The following DNAJC6 variants were observed in gnomAD, a reference collection of about 807,000 sequenced individuals.
DNAJC6 encodes the protein auxilin.
Under a neutral mutation model 110.0 loss-of-function variants are expected in DNAJC6, and 34 were observed. The observed-to-expected ratio is 0.31, with a 90% CI of 0.24 to 0.41. The LOEUF is 0.41. Ranked by LOEUF, DNAJC6 falls within the 10% of genes least tolerant of loss-of-function variation. The pLI, the probability that DNAJC6 is intolerant of heterozygous loss-of-function variation, is 1.00. For missense variants in DNAJC6, 1,031 were observed against 1,207.8 expected, an observed-to-expected ratio of 0.85 and a Z score of 2.17; for synonymous variants, 406 against 437.2, an observed-to-expected ratio of 0.93 and a Z score of 0.89.
upstream of DNAJC6, among the ~76,000 whole-genome samples, chr1:65,306,124 T>C (rs530452947): frequency 8.0e-5 from 12 of 149,970 alleles, no homozygotes; most frequent in African/African-American, 2.7e-4. Context: ...GTTGGCTCAC[T>C]GCAAGCTCCA....
At chr1:65,363,144 A>C (rs1040417988) in intron 1 of DNAJC6, among the ~76,000 whole-genome samples, 1 of 152,168 alleles carries the variant, frequency 6.6e-6, no homozygotes, top group Non-Finnish European at 1.5e-5. Context: ...TGAGAACAGC[A>C]TGGGGAAAAT....
intron 17 of DNAJC6, among the ~76,000 whole-genome samples, chr1:65,410,171 T>C (rs1570390199): frequency 6.6e-6 from 1 of 152,220 alleles, no homozygotes; most frequent in East Asian, 1.9e-4. Context: ...GTAATCTGTC[T>C]CTGTATTAAA....
intron 7 of DNAJC6, among the ~76,000 whole-genome samples, 155 bp downstream of exon 7, chr1:65,386,061 T>TACA (rs1645869266): frequency 6.6e-6 from 1 of 152,192 alleles, no homozygotes; most frequent in African/African-American, 2.4e-5. Context: ...CATAGAAAAG[T>TACA]ACAAGTAAAT....
At chr1:65,392,409 A>C in intron 11 of DNAJC6, 22 bp from the exon 12 acceptor site, 1 of 1,555,382 alleles carries the variant, frequency 6.4e-7, no homozygotes, top group Non-Finnish European at 8.7e-7. Context: ...CTAATCTCTT[A>C]TGGTATACTG....
chr1:65,377,908 A>G (rs1236563392), intron 4 of DNAJC6, among the ~76,000 whole-genome samples: 1 of 152,222 alleles, frequency 6.6e-6, no homozygotes, highest in Non-Finnish European at 1.5e-5. Flanking sequence ...TTTCTGCAGA[A>G]TTCCGTATCT....
intron 4 of DNAJC6, among the ~76,000 whole-genome samples, chr1:65,376,328 C>CAAA (rs77878717): frequency 8.6e-5 from 13 of 150,724 alleles, no homozygotes; most frequent in Middle Eastern, 3.4e-3. Flanking sequence ...TATATTGTTT[C>CAAA]AAAAAAAACA....
intron 4 of DNAJC6, among the ~76,000 whole-genome samples, chr1:65,379,148 G>T (rs1305736190): frequency 1.3e-5 from 2 of 152,214 alleles, no homozygotes; most frequent in East Asian, 3.8e-4. Context: ...GGATGTATTT[G>T]AAATGGTCTA....
At chr1:65,384,351 G>C in intron 6 of DNAJC6, 25 bp downstream of exon 6, 2 of 1,512,884 alleles carry the variant, frequency 1.3e-6, no homozygotes, top group Non-Finnish European at 1.8e-6. Context: ...ATGCAGGCTA[G>C]GCACAGATGT....
At chr1:65,305,942 T>C (rs925807180), upstream of DNAJC6, among the ~76,000 whole-genome samples, 4 of 152,176 alleles carry the variant, frequency 2.6e-5, no homozygotes, top group African/African-American at 9.7e-5. Flanking sequence ...CTTCTTACTA[T>C]AACCTTATTA....
chr1:65,381,815 T>C (rs1645825259), intron 5 of DNAJC6, among the ~76,000 whole-genome samples: 1 of 152,206 alleles, frequency 6.6e-6, no homozygotes, highest in Admixed American at 6.5e-5. Flanking sequence ...CTGTTTTCTT[T>C]ATCAGAGGGA....
intron 1 of DNAJC6, chr1:65,264,964 A>T (rs775079620): frequency 6.2e-7 from 1 of 1,604,330 alleles, no homozygotes; most frequent in African/African-American, 1.3e-5. Context: ...GATGGCTAAG[A>T]GAGGGCTAAA....
At chr1:65,266,557 C>A (rs904381631) in intron 1 of DNAJC6, among the ~76,000 whole-genome samples, 2 of 152,134 alleles carry the variant, frequency 1.3e-5, no homozygotes, top group African/African-American at 4.8e-5. Context: ...AGGACCTGTT[C>A]ACTCCTGTTT....
chr1:65,298,836 T>C (rs1427968086), intron 1 of DNAJC6: 1 of 152,286 alleles, frequency 6.6e-6, no homozygotes, highest in African/African-American at 2.4e-5. Flanking sequence ...TGCATATGCC[T>C]TCTTTCTTGG....
Position 65,309,543 on chromosome 1 carries a change from G to C in DNAJC6, c.-203G>C. ...CCTCCCTCCCTCCTCCCGGCGCCCC[G>C]AGCCGAGCTCAGCCCAGGGCGGCGG... On this transcript the variant is annotated 5_prime_UTR_variant, in exon 1 of 19. Coordinates refer to ENST00000371069, the MANE Select transcript of DNAJC6 (RefSeq NM_001256864.2). The C allele has an allele frequency of 6.3e-6, 6 of 953,478 alleles. No homozygotes were observed. Among genetic ancestry groups the C allele is most frequent in the South Asian group, 3.5e-5 (1 of 28,240 alleles). The allele number at this position is 953,478 out of a possible 1,614,324, so 59.1% of individuals were successfully genotyped here.
upstream of DNAJC6, among the ~76,000 whole-genome samples, chr1:65,307,151 G>A (rs1332323632): frequency 1.3e-5 from 2 of 151,478 alleles, no homozygotes; most frequent in African/African-American, 4.9e-5. Flanking sequence ...TTGATCTTTA[G>A]CACAGTAAAG....
chr1:65,346,443 G>C (rs1172303336), intron 1 of DNAJC6, among the ~76,000 whole-genome samples: 1 of 151,966 alleles, frequency 6.6e-6, no homozygotes, highest in African/African-American at 2.4e-5. Flanking sequence ...TTTGGTAAAA[G>C]TTCTTACTTT....
chr1:65,334,579 C>T (rs141518223), intron 1 of DNAJC6, among the ~76,000 whole-genome samples: 152 of 152,198 alleles, frequency 1.0e-3, no homozygotes, highest in African/African-American at 1.9e-3. Flanking sequence ...TTTCTATGAA[C>T]GGGAGTGATA....
intron 1 of DNAJC6, among the ~76,000 whole-genome samples, chr1:65,325,758 A>G (rs903679980): frequency 1.8e-4 from 27 of 152,254 alleles, no homozygotes; most frequent in Admixed American, 1.6e-3. Flanking sequence ...TTGTTGTGCA[A>G]ACATCATAGA....
chr1:65,374,975 AT>A (rs57352713), intron 4 of DNAJC6, among the ~76,000 whole-genome samples: 334 of 143,022 alleles, frequency 2.3e-3, no homozygotes, highest in Non-Finnish European at 2.6e-3. Context: ...TTTTCTGAGG[AT>A]TTTTTTTTTT....
Sources: allele counts gnomAD v4.1 joint callset (sites outside exome capture counted in the v4.1 genomes callset), GRCh38; gene constraint gnomAD v4.1.1; transcripts MANE v1.5; gene names NCBI Gene and HGNC (gene_info 2026-07-23, HGNC 2026-07-21).